TRIM29: variants seen among roughly 807,000 people sequenced by gnomAD.
TRIM29 encodes the protein tripartite motif containing 29.
Under a neutral mutation model 57.3 loss-of-function variants are expected in TRIM29, and 52 were observed. The observed-to-expected ratio is 0.91, with a 90% CI of 0.73 to 1.14. The LOEUF is 1.14. TRIM29 is among the 50% of genes most tolerant of loss of function. The probability of loss-of-function intolerance (pLI) is 0.00; values close to 1 mark genes in which losing one functional copy is unlikely to be tolerated. For synonymous variants in TRIM29, 319 were observed against 316.9 expected, an observed-to-expected ratio of 1.01 and a Z score of -0.07; for missense variants, 753 against 774.6, an observed-to-expected ratio of 0.97 and a Z score of 0.33.
chr11:120,123,510 T>G (rs1195786478), intron 4 of TRIM29: 1 of 454,068 alleles, frequency 2.2e-6, no homozygotes, highest in African/African-American at 2.0e-5. Context: ...ACTTCCGGGT[T>G]CAGTCCCAGC....
In TRIM29 at chr11:120,137,240, C is replaced by A; in HGVS notation, c.792G>T (p.Lys264Asn). 1.2e-6 allele frequency: 2 copies of A among 1,614,158 alleles called. No homozygotes were observed. Among genetic ancestry groups the A allele is most frequent in the South Asian group, 2.2e-5 (2 of 91,076 alleles). ...NHSTVTVEEA[K>N]AEKETELSLQ... is the part of the protein sequence containing the mutation. ...CCCCAGCACTTACCTCCTTCTCGGC[C>A]TTGGCCTCCTCCACTGTCACGGTGC... The change falls in exon 1 of 9, where the codon AAG becomes AAT. Residue 264 changes from lysine to asparagine, a missense_variant. Coordinates refer to ENST00000341846, the MANE Select transcript of TRIM29 (RefSeq NM_012101.4). The surrounding 1 kb of genome is among the most constrained non-coding windows in gnomAD (Gnocchi z 6.2).
In TRIM29 at chr11:120,125,980, G is replaced by C. The variant is rs889893214; in HGVS notation, c.1135-91C>G. 11 of 1,307,812 alleles carry C rather than the reference G, an allele frequency of 8.4e-6. No homozygotes were observed. The African/African-American group carries it at 1.3e-4, about 16-fold the overall frequency. 81.0% of individuals were successfully genotyped at this position (1,307,812 alleles called of 1,614,324 possible). A position where few individuals can be genotyped will look rare whatever the true frequency, so the allele number is the denominator to read the frequency against. On this transcript the variant is annotated intron_variant, in intron 3 of 8. Coordinates refer to ENST00000341846, the MANE Select transcript of TRIM29 (RefSeq NM_012101.4). ...CAGGGGCTCTCACAGTGCAGCTGGGGGTCTCAGCGCTGCAAGCCCCACTCT... is the reference window on the plus strand; with the variant it reads ...CAGGGGCTCTCACAGTGCAGCTGGGCGTCTCAGCGCTGCAAGCCCCACTCT...
In TRIM29 at chr11:120,125,762, A is replaced by G; in HGVS notation, c.1262T>C (p.Met421Thr). ...CTTGCACATCTTCTCAACGTGGCGC[A>G]TGCATACATTGAGCAGGTCGTCCTT... ...NFKDDLLNVC[M>T]RHVEKMCKAD... Residue 421 changes from methionine (M) to threonine (T), a missense_variant, in exon 4 of 9, where the codon ATG becomes ACG. Coordinates refer to ENST00000341846, the MANE Select transcript of TRIM29 (RefSeq NM_012101.4). 1.2e-6 allele frequency: 2 copies of G among 1,614,198 alleles called. No homozygotes were observed. Among genetic ancestry groups the G allele is most frequent in the South Asian group, 1.1e-5 (1 of 91,070 alleles).
In TRIM29 at chr11:120,127,332, T is replaced by C. The variant is rs757281399; in HGVS notation, c.1134+4A>G. On this transcript the variant is annotated splice_donor_region_variant and intron_variant, in intron 3 of 8. Coordinates refer to ENST00000341846, the MANE Select transcript of TRIM29 (RefSeq NM_012101.4). Reference sequence around the variant, plus strand: ...GCTTGAGTGACAGAGGAGTGGCTTGTTACCTGCAGAAACAACACAGAGTCG... The same window carrying C: ...GCTTGAGTGACAGAGGAGTGGCTTGCTACCTGCAGAAACAACACAGAGTCG... 2.5e-6 allele frequency: 4 copies of C among 1,613,272 alleles called. No homozygotes were observed. The East Asian group carries it at 6.7e-5, about 27-fold the overall frequency.
intron 5 of TRIM29, 200 bp from the exon 6 acceptor site, chr11:120,120,865 C>T (rs1565314779): frequency 1.5e-6 from 1 of 675,750 alleles, no homozygotes; most frequent in Non-Finnish European, 2.7e-6. Flanking sequence ...CTGTTAGTAA[C>T]CGTGCAGAGA....
At chr11:120,125,428 A>C in intron 4 of TRIM29, 1 of 504,620 alleles carries the variant, frequency 2.0e-6, no homozygotes, top group South Asian at 2.7e-5. Context: ...ACCCACAGAG[A>C]GGAGGCATTT....
intron 7 of TRIM29, chr11:120,117,286 T>C (rs956244404): frequency 5.4e-6 from 1 of 184,480 alleles, no homozygotes; most frequent in African/African-American, 2.4e-5. Flanking sequence ...AGCTAAGACA[T>C]GCCCGGGGCT....
intron 8 of TRIM29, among the ~76,000 whole-genome samples, chr11:120,114,450 A>G (rs1863215754): frequency 6.6e-6 from 1 of 151,960 alleles, no homozygotes. Context: ...AGGGCAAATC[A>G]CCTCTCCTGC....
rs527241501 is a variant in TRIM29, at chr11:120,128,095, G to A, written c.900+305C>T. Among the ~76,000 whole-genome samples the A allele has an allele frequency of 3.9e-5, 6 of 152,240 alleles. No individual in the cohort carries two copies. In the South Asian group the frequency reaches 1.2e-3, roughly 32 times the overall value. Reference sequence around the variant, plus strand: ...AGAAATGGTGTGTATTTGGTGGCTGGGGAGTCTTGTGGGCAGAACAGACAT... The same window carrying A: ...AGAAATGGTGTGTATTTGGTGGCTGAGGAGTCTTGTGGGCAGAACAGACAT... On this transcript the variant is annotated intron_variant, in intron 2 of 8. Coordinates refer to ENST00000341846, the MANE Select transcript of TRIM29 (RefSeq NM_012101.4).
chr11:120,127,011 C>G (rs1305623322), intron 3 of TRIM29, among the ~76,000 whole-genome samples: 1 of 152,210 alleles, frequency 6.6e-6, no homozygotes, highest in Non-Finnish European at 1.5e-5. Context: ...ACCACTCCCC[C>G]TCTACCCGAT....
chr11:120,120,572 C>A lies in TRIM29; in HGVS notation c.1528+1G>T, dbSNP rs267602725. On this transcript the variant is annotated splice_donor_variant, in intron 6 of 8. Transcript: ENST00000341846. LOFTEE classifies it high-confidence loss of function. ...CACCCTTGAGCTGAGCCACCACCTACCTTTGGTGCCATAGAGATTGTTGAA... is the reference window on the plus strand; with the variant it reads ...CACCCTTGAGCTGAGCCACCACCTAACTTTGGTGCCATAGAGATTGTTGAA... The A allele has an allele frequency of 1.2e-6, 2 of 1,612,568 alleles. No homozygotes were observed. The highest frequency in any genetic ancestry group is 1.7e-6 in the Non-Finnish European group (2 of 1,179,726).
chr11:120,116,836 TC>T, intron 7 of TRIM29: 1 of 239,780 alleles, frequency 4.2e-6, no homozygotes, highest in Non-Finnish European at 8.4e-6. Flanking sequence ...GGGGCATGCA[TC>T]CCTCTCCAGG....
chr11:120,123,200 A>T, intron 4 of TRIM29, 145 bp from the exon 5 acceptor site: 1 of 723,736 alleles, frequency 1.4e-6, no homozygotes, highest in Non-Finnish European at 2.5e-6. Context: ...CTCTCAGAGA[A>T]TATGACGCCC....
At chr11:120,124,763 G>C (rs1472988079) in intron 4 of TRIM29, 1 of 152,058 alleles carries the variant, frequency 6.6e-6, no homozygotes, top group Non-Finnish European at 1.5e-5. Context: ...CATTTCACAG[G>C]GACACCATGT....
At position 120,127,782 on chromosome 11, in the gene TRIM29, G is replaced by A. The variant is rs184231362; in HGVS notation, c.901-213C>T. ...ATAGCCAGGTTTGTTCACAGTCCACGCTTCTTATCTACCTGTGGCTCCTTC... is the reference window on the plus strand; with the variant it reads ...ATAGCCAGGTTTGTTCACAGTCCACACTTCTTATCTACCTGTGGCTCCTTC... On this transcript the variant is annotated intron_variant, in intron 2 of 8. Coordinates refer to ENST00000341846, the MANE Select transcript of TRIM29 (RefSeq NM_012101.4). Among the ~76,000 whole-genome samples, 13 of 152,120 alleles carry A rather than the reference G, an allele frequency of 8.5e-5. No homozygotes were observed. In the East Asian group the frequency reaches 2.1e-3, roughly 25 times the overall value.
rs768578941 is a variant in TRIM29, at chr11:120,120,631, A to G, written c.1470T>C (p.Pro490=). 1 of 1,613,938 alleles carries G rather than the reference A, an allele frequency of 6.2e-7. No homozygotes were observed. The highest frequency in any genetic ancestry group is 8.5e-7 in the Non-Finnish European group (1 of 1,180,006). Residue 490 remains proline, a synonymous_variant, in exon 6 of 9, where the codon CCT becomes CCC. Transcript: ENST00000341846. ...GVRTSYQPSS[P]GRFTKETTQK... is the part of the protein sequence containing the mutation. ...GGGTGGTCTCCTTGGTGAAGCGGCC[A>G]GGAGACGAGGGCTGGTATGATGTCC...
At chr11:120,135,250 G>A (rs1216095533) in intron 1 of TRIM29, among the ~76,000 whole-genome samples, 1 of 152,046 alleles carries the variant, frequency 6.6e-6, no homozygotes, top group Non-Finnish European at 1.5e-5. Flanking sequence ...GCTTGTAGTC[G>A]AGGTGGGAAC....
In TRIM29 at chr11:120,136,789, C is replaced by CA. The variant is rs11310050; in HGVS notation, c.804+438dup. On this transcript the variant is annotated intron_variant, in intron 1 of 8. Transcript: ENST00000341846. ...TGGAGGAATTATCTCTTCTTCAAAGCAAAAAAAAAAAAAAATAAAAGAAGA... is the reference window on the plus strand; with the variant it reads ...TGGAGGAATTATCTCTTCTTCAAAGCAAAAAAAAAAAAAAAATAAAAGAAGA... 1.4e-3 allele frequency among the ~76,000 whole-genome samples: 190 copies of CA among 140,524 alleles called. 1 individual carries two copies. Among genetic ancestry groups the CA allele is most frequent in the East Asian group, 5.1e-3 (25 of 4,866 alleles). 92.2% of individuals were successfully genotyped at this position (140,524 alleles called of 152,430 possible). A position where few individuals can be genotyped will look rare whatever the true frequency, so the allele number is the denominator to read the frequency against.
chr11:120,129,010 G>C, intron 1 of TRIM29: 1 of 998,200 alleles, frequency 1.0e-6, no homozygotes, highest in South Asian at 1.7e-5. Flanking sequence ...CGTCTGGGCA[G>C]GCACAGCTAT....
Sources: allele counts gnomAD v4.1 joint callset (sites outside exome capture counted in the v4.1 genomes callset), GRCh38; gene constraint gnomAD v4.1.1; non-coding constraint Gnocchi (gnomAD v3.1); transcripts MANE v1.5; gene names NCBI Gene and HGNC (gene_info 2026-07-23, HGNC 2026-07-21).